DUSP10: variants seen among roughly 807,000 people sequenced by gnomAD.
The protein encoded by DUSP10 is dual specificity protein phosphatase 10.
Under a neutral mutation model 30.8 loss-of-function variants are expected in DUSP10, and 14 were observed. The ratio of observed to expected loss-of-function variants is 0.46; its 90% CI spans 0.30 to 0.71. The LOEUF (loss-of-function observed/expected upper bound fraction) is 0.71. DUSP10 is among the 30% of genes least tolerant of loss of function. DUSP10 has a pLI of 0.08. For synonymous variants in DUSP10, 254 were observed against 250.4 expected (o/e 1.01, Z -0.14); for missense variants, 550 against 619.4 (o/e 0.89, Z 1.19).
chr1:221,715,269 A>C lies in DUSP10; in HGVS notation c.812-8803T>G, dbSNP rs113446076. 1.9e-3 allele frequency among the ~76,000 whole-genome samples: 294 copies of C among 152,334 alleles called. 1 individual carries two copies. Among genetic ancestry groups the C allele is most frequent in the African/African-American group, 6.6e-3 (273 of 41,570 alleles). ...TTTATGAAAATTGAAAATAAAGTTT[A>C]ATTGGAGGCCTTCCAAGAAATGCTG... On this transcript the variant is annotated intron_variant, in intron 2 of 3. Transcript: ENST00000366899.
intron 2 of DUSP10, among the ~76,000 whole-genome samples, chr1:221,731,702 G>A (rs1289959544): frequency 6.7e-6 from 1 of 148,482 alleles, no homozygotes; most frequent in Non-Finnish European, 1.5e-5. Flanking sequence ...TCCACCTCCC[G>A]GGTTCAAGCA....
At chr1:221,720,028 G>A (rs1661229542) in intron 2 of DUSP10, among the ~76,000 whole-genome samples, 1 of 152,136 alleles carries the variant, frequency 6.6e-6, no homozygotes, top group African/African-American at 2.4e-5. Context: ...CCACTTCCAG[G>A]CCTTTGCATT....
chr1:221,706,420 G>A lies in DUSP10; in HGVS notation c.858C>T (p.Asn286=), dbSNP rs1270935765. The A allele has an allele frequency of 1.9e-6, 3 of 1,544,904 alleles. No individual in the cohort carries two copies. Among genetic ancestry groups the A allele is most frequent in the African/African-American group, 1.4e-5 (1 of 72,644 alleles). Residue 286 remains asparagine (N), a synonymous_variant, in exon 3 of 4, where the codon AAC becomes AAT. Coordinates refer to ENST00000366899, the MANE Select transcript of DUSP10 (RefSeq NM_007207.6). The surrounding 1 kb of genome is among the most constrained non-coding windows in gnomAD (Gnocchi z 4.6). ...FKQNHENLCD[N]SLQLQECREV... ...CCCGGCACTCTTGGAGCTGGAGGGAGTTGTCACAGAGGTTTTCATGGTTCT... is the reference window on the plus strand; with the variant it reads ...CCCGGCACTCTTGGAGCTGGAGGGAATTGTCACAGAGGTTTTCATGGTTCT...
intron 2 of DUSP10, among the ~76,000 whole-genome samples, chr1:221,726,105 A>T (rs1371576009): frequency 2.0e-5 from 3 of 152,232 alleles, no homozygotes; most frequent in African/African-American, 4.8e-5. Context: ...ATGTCCCTAA[A>T]AACTCACAAC....
chr1:221,707,325 C>T (rs1426336987), intron 2 of DUSP10, among the ~76,000 whole-genome samples: 1 of 152,092 alleles, frequency 6.6e-6, no homozygotes, highest in Non-Finnish European at 1.5e-5. Context: ...CACGTAGGGC[C>T]CTGACATTTA....
At position 221,731,148 on chromosome 1, in the gene DUSP10, G is replaced by A. The variant is rs1033192541; in HGVS notation, c.811+7786C>T. Reference sequence around the variant, plus strand: ...ACATAATCAATGAAAATTTGTTGATGAGGGATTCAAATCTTCCTCGAAGGG... The same window carrying A: ...ACATAATCAATGAAAATTTGTTGATAAGGGATTCAAATCTTCCTCGAAGGG... On this transcript the variant is annotated intron_variant, in intron 2 of 3. Transcript: ENST00000366899. 3.3e-5 allele frequency among the ~76,000 whole-genome samples: 5 copies of A among 152,154 alleles called. No homozygotes were observed. The South Asian group carries it at 8.3e-4, about 25-fold the overall frequency.
Position 221,739,800 on chromosome 1 carries a change from G to C in DUSP10, c.-43-13C>G. The C allele has an allele frequency of 6.6e-7, 1 of 1,510,452 alleles. No individual in the cohort carries two copies. Among genetic ancestry groups the C allele is most frequent in the Non-Finnish European group, 8.8e-7 (1 of 1,133,916 alleles). The allele number at this position is 1,510,452 out of a possible 1,614,324, so 93.6% of individuals were successfully genotyped here. ...AACTCAAGACAGTCTGTAAAGAAGG[G>C]GAAGGGGGAAAGAAAGAATAAAGTC... On this transcript the variant is annotated splice_polypyrimidine_tract_variant and intron_variant, in intron 1 of 3. Coordinates refer to ENST00000366899, the MANE Select transcript of DUSP10 (RefSeq NM_007207.6).
intron 3 of DUSP10, among the ~76,000 whole-genome samples, chr1:221,705,441 A>G (rs764581259): frequency 1.2e-4 from 18 of 152,210 alleles, no homozygotes; most frequent in Non-Finnish European, 2.5e-4. Flanking sequence ...GTTTGGGGCT[A>G]TAGAAGTTGC....
At chr1:221,727,663 A>G (rs1202421365) in intron 2 of DUSP10, among the ~76,000 whole-genome samples, 1 of 152,202 alleles carries the variant, frequency 6.6e-6, no homozygotes, top group Non-Finnish European at 1.5e-5. Flanking sequence ...CAGAAAACTT[A>G]CCTTGCCATG....
In DUSP10 at chr1:221,706,164, G is replaced by A. The variant is rs1293181251; in HGVS notation, c.1114C>T (p.Arg372Trp). Reference sequence around the variant, plus strand: ...TTGTTGCTGTCAGTGGCTGGCAGCCGCTTGTAGTTGAACAGGCCTTTCTCA... The same window carrying A: ...TTGTTGCTGTCAGTGGCTGGCAGCCACTTGTAGTTGAACAGGCCTTTCTCA... ...HYEKGLFNYK[R>W]LPATDSNKQN... Residue 372 changes from arginine to tryptophan, a missense_variant, in exon 3 of 4, where the codon CGG (arginine) becomes TGG (tryptophan). Transcript: ENST00000366899. The surrounding 1 kb of genome is among the most constrained non-coding windows in gnomAD (Gnocchi z 4.6). 6.8e-6 allele frequency: 11 copies of A among 1,614,096 alleles called. No homozygotes were observed. Among genetic ancestry groups the A allele is most frequent in the Non-Finnish European group, 9.3e-6 (11 of 1,179,990 alleles).
intron 2 of DUSP10, among the ~76,000 whole-genome samples, chr1:221,720,838 T>C (rs573263107): frequency 6.6e-6 from 1 of 152,356 alleles, no homozygotes; most frequent in Admixed American, 6.5e-5. Context: ...TCTTTTATCA[T>C]ATCATGAAGT....
chr1:221,717,195 G>C (rs751650886), intron 2 of DUSP10, among the ~76,000 whole-genome samples: 1 of 152,102 alleles, frequency 6.6e-6, no homozygotes, highest in Non-Finnish European at 1.5e-5. Flanking sequence ...ACATAGGGAG[G>C]GAACACCACA....
chr1:221,729,121 T>G (rs532264240), intron 2 of DUSP10, among the ~76,000 whole-genome samples: 1 of 152,224 alleles, frequency 6.6e-6, no homozygotes, highest in Non-Finnish European at 1.5e-5. Flanking sequence ...AAGAAATACT[T>G]CATATATGTT....
rs148230924 is a variant in DUSP10 at position 221,716,143 on chromosome 1, G to T, written c.812-9677C>A. ...AAACATGAAAGAGAGACTTCTACCTGGAATACATTTTGATGCTTGAATTTC... is the reference window on the plus strand; with the variant it reads ...AAACATGAAAGAGAGACTTCTACCTTGAATACATTTTGATGCTTGAATTTC... On this transcript the variant is annotated intron_variant, in intron 2 of 3. Transcript: ENST00000366899. Among the ~76,000 whole-genome samples, 301 of 152,220 alleles carry T rather than the reference G, an allele frequency of 2.0e-3. 8 individuals carry two copies. The highest frequency in any genetic ancestry group is 0.018 in the Admixed American group (277 of 15,292).
chr1:221,737,385 G>A, intron 2 of DUSP10: 1 of 985,318 alleles, frequency 1.0e-6, no homozygotes, highest in Non-Finnish European at 1.2e-6. Flanking sequence ...TTTGTAAGAG[G>A]CTAGACACAT....
At position 221,706,049 on chromosome 1, in the gene DUSP10, G is replaced by T; in HGVS notation, c.1183+46C>A. 6.3e-7 allele frequency: 1 copy of T among 1,578,268 alleles called. No individual in the cohort carries two copies. The highest frequency in any genetic ancestry group is 1.2e-5 in the South Asian group (1 of 85,306). ...CTTGATATCAAAGCAAGAGCTGGAG[G>T]GAAAAGGAAGGCAGCGGATGAAAAT... On this transcript the variant is annotated intron_variant, in intron 3 of 3. Coordinates refer to ENST00000366899, the MANE Select transcript of DUSP10 (RefSeq NM_007207.6). This position sits in a 1 kb window ranked among gnomAD's most constrained non-coding sequence, Gnocchi z 4.6.
rs550049622 is a variant in DUSP10 at position 221,725,146 on chromosome 1, G to A, written c.811+13788C>T. ...TCTCAGGCTACTTCCCACAGCCACC[G>A]CCCAGCCAACAGCTAGCTGCACCCA... is the stretch of plus-strand genomic sequence containing the variant. On this transcript the variant is annotated intron_variant, in intron 2 of 3. Coordinates refer to ENST00000366899, the MANE Select transcript of DUSP10 (RefSeq NM_007207.6). Among the ~76,000 whole-genome samples the A allele has an allele frequency of 9.2e-5, 14 of 152,132 alleles. 1 individual carries two copies. The highest frequency in any genetic ancestry group is 5.8e-4 in the East Asian group (3 of 5,170).
rs965427028 is a variant in DUSP10, at chr1:221,737,264, C to G, written c.811+1670G>C. The G allele has an allele frequency of 6.1e-6, 6 of 985,294 alleles. No individual in the cohort carries two copies. In the African/African-American group the frequency reaches 1.0e-4, roughly 17 times the overall value. The allele number at this position is 985,294 out of a possible 1,614,324, so 61.0% of individuals were successfully genotyped here. A position where few individuals can be genotyped will look rare whatever the true frequency, so the allele number is the denominator to read the frequency against. ...CAAAAGACTTGCTTTTTATCATGAA[C>G]ACCTGCTCTGCGTGAGAAAAGAGGA... On this transcript the variant is annotated intron_variant, in intron 2 of 3. Coordinates refer to ENST00000366899, the MANE Select transcript of DUSP10 (RefSeq NM_007207.6).
At chr1:221,714,526 CATA>C (rs1407120332) in intron 2 of DUSP10, among the ~76,000 whole-genome samples, 1 of 152,118 alleles carries the variant, frequency 6.6e-6, no homozygotes, top group Non-Finnish European at 1.5e-5. Flanking sequence ...AGTTCATTTG[CATA>C]ATAAGATTAG....
Sources: gnomAD v4.1 joint callset for allele counts (sites outside exome capture counted in the v4.1 genomes callset) on GRCh38, gnomAD v4.1.1 for gene constraint, Gnocchi (gnomAD v3.1) non-coding constraint, MANE v1.5 for transcripts, NCBI Gene and HGNC (gene_info 2026-07-23, HGNC 2026-07-21) for gene names.